Variants in ARHGEF38 observed in about 807,000 individuals in gnomAD.
ARHGEF38 encodes the protein Rho guanine nucleotide exchange factor (GEF) 38.
In ARHGEF38, 79 loss-of-function variants were observed where a neutral mutation model predicts 79.9. The observed-to-expected ratio is 0.99, with a 90% CI of 0.82 to 1.19. The LOEUF (loss-of-function observed/expected upper bound fraction) is 1.19, where lower values mean the gene tolerates loss of function less well. ARHGEF38 is among the 50% of genes most tolerant of loss of function. The probability of loss-of-function intolerance (pLI) is 0.00; values close to 1 mark genes in which losing one functional copy is unlikely to be tolerated. For synonymous variants in ARHGEF38, 366 were observed against 328.3 expected (o/e 1.11, Z -1.24); for missense variants, 962 against 907.2 (o/e 1.06, Z -0.78).
chr4:105,582,954 C>A lies in ARHGEF38; in HGVS notation c.197-6294C>A, dbSNP rs554000758. Among the ~76,000 whole-genome samples, 7 of 152,186 alleles carry A rather than the reference C, an allele frequency of 4.6e-5. No individual in the cohort carries two copies. The South Asian group carries it at 1.2e-3, about 27-fold the overall frequency. On this transcript the variant is annotated intron_variant, in intron 1 of 13. Transcript: ENST00000420470. Reference sequence around the variant, plus strand: ...TCTGTGTAAAATAGCTATATCTCACCCTTCCTTTAATTAGTATTTGCTCAG... The same window carrying A: ...TCTGTGTAAAATAGCTATATCTCACACTTCCTTTAATTAGTATTTGCTCAG...
intron 3 of ARHGEF38, among the ~76,000 whole-genome samples, chr4:105,618,155 G>C (rs1473243556): frequency 6.6e-6 from 1 of 152,134 alleles, no homozygotes; most frequent in Admixed American, 6.5e-5. Flanking sequence ...TTTCCTCTGA[G>C]CTCAATAGAT....
chr4:105,673,509 T>A (rs1731021937), intron 13 of ARHGEF38, among the ~76,000 whole-genome samples: 1 of 152,308 alleles, frequency 6.6e-6, no homozygotes, highest in South Asian at 2.1e-4. Context: ...TCCAGCTACC[T>A]ATGATGATGA....
intron 10 of ARHGEF38, among the ~76,000 whole-genome samples, chr4:105,663,110 C>T (rs916394030): frequency 6.6e-6 from 1 of 152,116 alleles, no homozygotes; most frequent in Admixed American, 6.5e-5. Context: ...AACCCTCACA[C>T]AGCTTACCCA....
rs574464601 is a variant in ARHGEF38 at position 105,597,078 on chromosome 4, CAATGAAATGT to C, written c.384+7652_384+7661del. On this transcript the variant is annotated intron_variant, in intron 2 of 13. Transcript: ENST00000420470. Reference sequence around the variant, plus strand: ...AACTTGTCCATAACAGGAATTCAGACAATGAAATGTAATGAAATTTTGCTACTTTCATTGA... The same window carrying C: ...AACTTGTCCATAACAGGAATTCAGACAATGAAATTTTGCTACTTTCATTGA... 1.8e-4 allele frequency among the ~76,000 whole-genome samples: 28 copies of C among 152,222 alleles called. No homozygotes were observed. In the South Asian group the frequency reaches 5.4e-3, roughly 29 times the overall value.
intron 2 of ARHGEF38, among the ~76,000 whole-genome samples, chr4:105,609,530 C>T (rs1246410602): frequency 6.6e-6 from 1 of 151,952 alleles, no homozygotes; most frequent in Non-Finnish European, 1.5e-5. Flanking sequence ...ATCCATTCTA[C>T]CTAAAGCAAT....
In ARHGEF38 at chr4:105,680,011, C is replaced by T; in HGVS notation, c.*2074C>T. The T allele has an allele frequency of 9.7e-7, 1 of 1,034,512 alleles. No individual in the cohort carries two copies. Among genetic ancestry groups the T allele is most frequent in the East Asian group, 2.4e-5 (1 of 41,952 alleles). 64.1% of individuals were successfully genotyped at this position (1,034,512 alleles called of 1,614,324 possible). The stretch of plus-strand genomic sequence containing the variant: ...CAGTGCATTCTGTTTTGTGCGGATT[C>T]ATGGCCATGTCAGTTACATTCTTCT... On this transcript the variant is annotated 3_prime_UTR_variant, in exon 14 of 14. Coordinates refer to ENST00000420470, the MANE Select transcript of ARHGEF38 (RefSeq NM_001242729.2).
chr4:105,596,887 T>C (rs1727605561), intron 2 of ARHGEF38, among the ~76,000 whole-genome samples: 1 of 152,196 alleles, frequency 6.6e-6, no homozygotes, highest in African/African-American at 2.4e-5. Context: ...GGAACAGCAC[T>C]CCCAGAAATT....
chr4:105,627,592 A>T (rs1293006035), intron 3 of ARHGEF38, among the ~76,000 whole-genome samples: 1 of 152,134 alleles, frequency 6.6e-6, no homozygotes, highest in East Asian at 1.9e-4. Context: ...CAATGCAGAA[A>T]TTCTTGGGTT....
In ARHGEF38 at chr4:105,648,586, T is replaced by C. The variant is rs1362771727; in HGVS notation, c.912T>C (p.Leu304=). 5.2e-6 allele frequency: 8 copies of C among 1,529,498 alleles called. No individual in the cohort carries two copies. The allele number at this position is 1,529,498 out of a possible 1,614,324, so 94.7% of individuals were successfully genotyped here. A position where few individuals can be genotyped will look rare whatever the true frequency, so the allele number is the denominator to read the frequency against. ...AGAAGAATGACGAGGATGAATCACT[T>C]AAAGACAAATTGTCTAAACTAAATA... ...KYKKNDEDES[L]KDKLSKLNIH... is the part of the protein sequence containing the mutation. Residue 304 remains leucine (L), a synonymous_variant, in exon 7 of 14, where the codon CTT becomes CTC. Transcript: ENST00000420470.
chr4:105,623,411 A>T (rs1283595923), intron 3 of ARHGEF38, among the ~76,000 whole-genome samples: 1 of 152,134 alleles, frequency 6.6e-6, no homozygotes, highest in African/African-American at 2.4e-5. Context: ...AAGCTTTCTC[A>T]AGAGAGGTAT....
chr4:105,562,014 A>T (rs1725656043), intron 1 of ARHGEF38, among the ~76,000 whole-genome samples: 1 of 150,944 alleles, frequency 6.6e-6, no homozygotes, highest in Admixed American at 6.6e-5. Flanking sequence ...CTCTGTGTCA[A>T]CTCCCTGTCT....
chr4:105,675,397 G>T (rs777561662), intron 13 of ARHGEF38, among the ~76,000 whole-genome samples: 52 of 152,070 alleles, frequency 3.4e-4, no homozygotes, highest in Non-Finnish European at 6.9e-4. Flanking sequence ...CCACTCCATT[G>T]CTAAAGAATT....
intron 1 of ARHGEF38, among the ~76,000 whole-genome samples, chr4:105,553,782 A>G (rs1342987633): frequency 6.6e-6 from 1 of 151,952 alleles, no homozygotes. Flanking sequence ...TTTCTTCGGT[A>G]CTTGTTATGT....
intron 3 of ARHGEF38, among the ~76,000 whole-genome samples, chr4:105,622,071 G>A (rs571111877): frequency 3.9e-5 from 6 of 152,170 alleles, no homozygotes; most frequent in Non-Finnish European, 7.3e-5. Context: ...CCTGAGCGGG[G>A]TGAATATGGG....
chr4:105,609,326 G>C (rs1728185974), intron 2 of ARHGEF38, among the ~76,000 whole-genome samples: 1 of 151,932 alleles, frequency 6.6e-6, no homozygotes, highest in African/African-American at 2.4e-5. Flanking sequence ...TTATTTCTGG[G>C]CTCTCTATTC....
chr4:105,584,426 T>C (rs1024598815), intron 1 of ARHGEF38, among the ~76,000 whole-genome samples: 2 of 152,216 alleles, frequency 1.3e-5, no homozygotes, highest in Non-Finnish European at 2.9e-5. Flanking sequence ...TTACAGACAT[T>C]AACTAATTTA....
chr4:105,651,974 C>A (rs114612070), intron 7 of ARHGEF38, among the ~76,000 whole-genome samples: 2,613 of 152,190 alleles, frequency 0.017, 36 homozygotes, highest in Non-Finnish European at 0.026. Flanking sequence ...CTTTCAAGTC[C>A]CAAAGAAATG....
At chr4:105,574,831 CGT>C (rs1726411845) in intron 1 of ARHGEF38, among the ~76,000 whole-genome samples, 1 of 150,418 alleles carries the variant, frequency 6.6e-6, no homozygotes, top group African/African-American at 2.4e-5. Flanking sequence ...ACCTGAATAA[CGT>C]ATGTTGTATC....
chr4:105,581,123 GC>G (rs1490828982), intron 1 of ARHGEF38, among the ~76,000 whole-genome samples: 6 of 152,268 alleles, frequency 3.9e-5, no homozygotes, highest in African/African-American at 1.4e-4. Context: ...AAGTCCCGGT[GC>G]CCCGTAGCCC....
Sources: gnomAD v4.1 joint callset for allele counts (sites outside exome capture counted in the v4.1 genomes callset) on GRCh38, gnomAD v4.1.1 for gene constraint, MANE v1.5 for transcripts, NCBI Gene and HGNC (gene_info 2026-07-23, HGNC 2026-07-21) for gene names.